Variants in DENND1A observed in about 807,000 individuals in gnomAD.
DENND1A encodes the protein DENN domain-containing protein 1A.
DENND1A carries 51 observed loss-of-function variants against 113.7 expected under a neutral mutation model. That is an observed-to-expected ratio of 0.45 (90% CI 0.36 to 0.57). The LOEUF is 0.57. Among genes scored for constraint, DENND1A ranks in the 20% least tolerant of loss-of-function variants. The pLI is 0.00. For missense variants in DENND1A, 1,258 were observed against 1,395.9 expected (o/e 0.90, Z 1.57); for synonymous variants, 565 against 570.8 (o/e 0.99, Z 0.14).
At chr9:123,585,398 A>T (rs1377612441) in intron 11 of DENND1A, among the ~76,000 whole-genome samples, 1 of 152,272 alleles carries the variant, frequency 6.6e-6, no homozygotes. Flanking sequence ...AGGTTAGTGC[A>T]AAAGTAATTG....
intron 13 of DENND1A, among the ~76,000 whole-genome samples, chr9:123,479,784 A>G (rs1267766848): frequency 3.9e-5 from 6 of 152,186 alleles, no homozygotes; most frequent in Non-Finnish European, 7.3e-5. Context: ...GATCAAACGA[A>G]TCTTCCACTT....
intron 5 of DENND1A, among the ~76,000 whole-genome samples, chr9:123,682,568 C>T (rs2064538387): frequency 6.6e-6 from 1 of 152,116 alleles, no homozygotes; most frequent in South Asian, 2.1e-4. Context: ...TAAAACAAAA[C>T]AGAACAAAAC....
intron 10 of DENND1A, among the ~76,000 whole-genome samples, chr9:123,612,519 T>A (rs770134308): frequency 5.3e-5 from 8 of 152,252 alleles, no homozygotes; most frequent in Non-Finnish European, 1.2e-4. Flanking sequence ...TTTGAAATTA[T>A]AAAGTGCATA....
intron 1 of DENND1A, among the ~76,000 whole-genome samples, chr9:123,885,648 G>T (rs1848956109): frequency 6.6e-6 from 1 of 152,220 alleles, no homozygotes; most frequent in Non-Finnish European, 1.5e-5. Context: ...TGAAAGAAGG[G>T]AGGTCTGCTC....
intron 10 of DENND1A, among the ~76,000 whole-genome samples, chr9:123,618,427 G>A (rs1174071716): frequency 6.6e-6 from 1 of 152,228 alleles, no homozygotes; most frequent in Admixed American, 6.5e-5. Flanking sequence ...TGTGTCATGA[G>A]AAATGGAAAA....
At chr9:123,702,171 A>G (rs1193791588) in intron 5 of DENND1A, among the ~76,000 whole-genome samples, 1 of 152,174 alleles carries the variant, frequency 6.6e-6, no homozygotes, top group Admixed American at 6.5e-5. Flanking sequence ...ATAAAAACGC[A>G]ATAGAGAAAA....
At position 123,382,529 on chromosome 9, in the gene DENND1A, C is replaced by T. The variant is rs777702405; in HGVS notation, c.2116G>A (p.Asp706Asn). 88 of 1,613,998 alleles carry T rather than the reference C, an allele frequency of 5.5e-5. No homozygotes were observed. The highest frequency in any genetic ancestry group is 7.0e-5 in the Non-Finnish European group (83 of 1,180,026). The part of the protein sequence containing the change: ...YNKLWSLGQD[D>N]MAIPSKPPAA... ...GGGGGCTTGCTGGGGATGGCCATGT[C>T]GTCCTGGCCCAGGCTCCAGAGCTTG... Residue 706 changes from aspartate to asparagine, a missense_variant, in exon 24 of 24, where the codon GAC becomes AAC. Coordinates refer to ENST00000394215, the MANE Select transcript of DENND1A (RefSeq NM_001352964.2).
chr9:123,522,553 C>T (rs1040980341), intron 13 of DENND1A, among the ~76,000 whole-genome samples: 1 of 152,196 alleles, frequency 6.6e-6, no homozygotes, highest in Non-Finnish European at 1.5e-5. Context: ...AACCCTCCTC[C>T]CTTCCCCAAA....
intron 19 of DENND1A, among the ~76,000 whole-genome samples, chr9:123,423,849 T>C (rs1222964818): frequency 1.3e-5 from 2 of 150,374 alleles, no homozygotes; most frequent in East Asian, 1.9e-4. Flanking sequence ...CTGTAAGTGG[T>C]TGGCTAAACA....
In DENND1A at chr9:123,445,654, T is replaced by C. The variant is rs553296656; in HGVS notation, c.1356+5039A>G. 2.6e-3 allele frequency among the ~76,000 whole-genome samples: 394 copies of C among 152,296 alleles called. 1 individual carries two copies. The highest frequency in any genetic ancestry group is 4.4e-3 in the Non-Finnish European group (302 of 68,010). On this transcript the variant is annotated intron_variant, in intron 18 of 23. Coordinates refer to ENST00000394215, the MANE Select transcript of DENND1A (RefSeq NM_001352964.2). ...GGGAGGCCGAGGCGGGCAGATCACC[T>C]AAGGTCAGGAGTTCGAGACCAGCCT...
At chr9:123,649,050 A>T (rs950290456) in intron 9 of DENND1A, among the ~76,000 whole-genome samples, 2 of 152,160 alleles carry the variant, frequency 1.3e-5, no homozygotes, top group East Asian at 3.8e-4. Context: ...TCCGCAACCC[A>T]TTCTTTTTTG....
chr9:123,454,811 T>C, intron 15 of DENND1A, 32 bp from the exon 16 acceptor site: 12 of 1,549,628 alleles, frequency 7.7e-6, no homozygotes, highest in Non-Finnish European at 1.0e-5. Flanking sequence ...AAGCTGTCAC[T>C]TAAAGAGGTG....
At chr9:123,434,646 C>T (rs7047077) in intron 19 of DENND1A, among the ~76,000 whole-genome samples, 58,808 of 151,884 alleles carry the variant, frequency 0.39, 12,285 homozygotes, top group African/African-American at 0.56. Context: ...TGTGCATAGT[C>T]CTGGGGTAGC....
At chr9:123,669,247 T>G (rs2063641755) in intron 7 of DENND1A, among the ~76,000 whole-genome samples, 1 of 152,138 alleles carries the variant, frequency 6.6e-6, no homozygotes, top group African/African-American at 2.4e-5. Context: ...ATGTATAACC[T>G]AGATGAGAGT....
intron 13 of DENND1A, among the ~76,000 whole-genome samples, chr9:123,498,196 C>T (rs1281725139): frequency 6.6e-6 from 1 of 152,228 alleles, no homozygotes; most frequent in African/African-American, 2.4e-5. Context: ...AATGGAGGAA[C>T]ACTTCACATT....
At chr9:123,810,677 C>T (rs1451395108) in intron 2 of DENND1A, among the ~76,000 whole-genome samples, 1 of 150,706 alleles carries the variant, frequency 6.6e-6, no homozygotes, top group Non-Finnish European at 1.5e-5. Context: ...TCCTGGGCCA[C>T]ATACAGCCCC....
intron 5 of DENND1A, among the ~76,000 whole-genome samples, chr9:123,753,210 GA>G (rs2070213321): frequency 1.3e-5 from 2 of 152,192 alleles, no homozygotes; most frequent in Admixed American, 1.3e-4. Flanking sequence ...GACTAGCTGG[GA>G]ATGTCAGCTA....
At chr9:123,902,863 CA>C (rs1034185064) in intron 1 of DENND1A, among the ~76,000 whole-genome samples, 13 of 119,688 alleles carry the variant, frequency 1.1e-4, no homozygotes, top group African/African-American at 1.5e-4. Flanking sequence ...GACAAGATTA[CA>C]AAAAAAAAAT....
At chr9:123,560,874 C>T (rs2057712461) in intron 12 of DENND1A, among the ~76,000 whole-genome samples, 3 of 152,180 alleles carry the variant, frequency 2.0e-5, no homozygotes, top group Admixed American at 1.3e-4. Context: ...GACACATAAG[C>T]CCCAGCCCCA....
Sources: gnomAD v4.1 joint callset for allele counts (sites outside exome capture counted in the v4.1 genomes callset) on GRCh38, gnomAD v4.1.1 for gene constraint, MANE v1.5 for transcripts, NCBI Gene and HGNC (gene_info 2026-07-23, HGNC 2026-07-21) for gene names.